Variants in DGKB observed in about 807,000 individuals in gnomAD.
DGKB encodes 90 kDa diacylglycerol kinase.
Under a neutral mutation model 114.3 loss-of-function variants are expected in DGKB, and 67 were observed. The observed-to-expected ratio is 0.59, with a 90% CI of 0.48 to 0.72. The LOEUF is 0.72. DGKB is among the 30% of genes least tolerant of loss of function. The pLI is 0.00. For missense variants in DGKB, 907 were observed against 975.2 expected (o/e 0.93, Z 0.93); for synonymous variants, 398 against 323.1 (o/e 1.23, Z -2.49).
chr7:14,877,932 T>C (rs1394119126), intron 1 of DGKB, among the ~76,000 whole-genome samples: 1 of 152,168 alleles, frequency 6.6e-6, no homozygotes, highest in Non-Finnish European at 1.5e-5. Context: ...TTTATATCTT[T>C]AGTGCCAATT....
intron 2 of DGKB, among the ~76,000 whole-genome samples, chr7:14,837,653 A>G (rs73052963): frequency 0.012 from 1,884 of 152,336 alleles, 10 homozygotes; most frequent in Non-Finnish European, 0.017. Context: ...CTAATAGAGT[A>G]TGGAGGAATG....
At position 14,158,435 on chromosome 7, in the gene DGKB, C is replaced by CTGTT. The variant is rs548851992; in HGVS notation, c.2305-9201_2305-9198dup. Among the ~76,000 whole-genome samples the CTGTT allele has an allele frequency of 3.1e-4, 47 of 152,198 alleles. No individual in the cohort carries two copies. In the Middle Eastern group the frequency reaches 0.01, roughly 33 times the overall value. ...TAACCATCAGAGAGCATAATTATTT[C>CTGTT]TGTTTGTTTGTTTGTTTAATCAAGG... On this transcript the variant is annotated intron_variant, in intron 25 of 25. Transcript: ENST00000402815.
chr7:14,424,789 G>A (rs1017423770), intron 21 of DGKB, among the ~76,000 whole-genome samples: 1 of 152,014 alleles, frequency 6.6e-6, no homozygotes, highest in Non-Finnish European at 1.5e-5. Context: ...TAATTGCCCA[G>A]ATCACACAGC....
rs770705134 is a variant in DGKB at position 14,149,242 on chromosome 7, GAAAA to G, written c.2305-8_2305-5del. On this transcript the variant is annotated splice_region_variant and splice_polypyrimidine_tract_variant and intron_variant, in intron 25 of 25. Coordinates refer to ENST00000402815, the MANE Select transcript of DGKB (RefSeq NM_001350709.2). ...GGTTCTTGTGTGTAATTTTTATCTA[GAAAA>G]AAAGAGAGAGAGAGAGAGAGAAAGA... 6.3e-7 allele frequency: 1 copy of G among 1,590,510 alleles called. No individual in the cohort carries two copies. Among genetic ancestry groups the G allele is most frequent in the African/African-American group, 1.4e-5 (1 of 73,550 alleles).
At chr7:14,915,032 A>G (rs547994266) in intron 1 of DGKB, among the ~76,000 whole-genome samples, 1 of 152,238 alleles carries the variant, frequency 6.6e-6, no homozygotes, top group African/African-American at 2.4e-5. Context: ...GAATTATGGG[A>G]CAATTACAAA....
chr7:14,926,096 A>G (rs951751819), intron 1 of DGKB, among the ~76,000 whole-genome samples: 2 of 152,112 alleles, frequency 1.3e-5, no homozygotes, highest in Non-Finnish European at 1.5e-5. Flanking sequence ...GGGAGTTTTT[A>G]TCATGAATAG....
chr7:14,498,697 T>C (rs183514568), intron 20 of DGKB, among the ~76,000 whole-genome samples: 309 of 151,844 alleles, frequency 2.0e-3, no homozygotes, highest in Non-Finnish European at 2.6e-3. Context: ...AGTAGTACAC[T>C]TTTTGTTAGG....
intron 4 of DGKB, among the ~76,000 whole-genome samples, chr7:14,740,038 C>T (rs917945435): frequency 4.6e-5 from 7 of 152,226 alleles, no homozygotes; most frequent in African/African-American, 1.7e-4. Flanking sequence ...GCCGCAGCTG[C>T]TGCCCAGGCC....
intron 23 of DGKB, among the ~76,000 whole-genome samples, chr7:14,195,182 T>C (rs1784847507): frequency 6.6e-6 from 1 of 152,166 alleles, no homozygotes; most frequent in Non-Finnish European, 1.5e-5. Context: ...ACTGAAGGCT[T>C]TCACTTGTTT....
chr7:14,463,531 C>T (rs923448253), intron 21 of DGKB, among the ~76,000 whole-genome samples: 2 of 152,164 alleles, frequency 1.3e-5, no homozygotes, highest in African/African-American at 4.8e-5. Context: ...AACCACTGCA[C>T]TCATCTTACA....
intron 25 of DGKB, among the ~76,000 whole-genome samples, chr7:14,157,671 A>G (rs73269860): frequency 0.041 from 6,253 of 152,224 alleles, 211 homozygotes; most frequent in East Asian, 0.13. Context: ...TGTGTTCTTC[A>G]TTCCAAAATA....
rs1001320887 is a variant in DGKB, at chr7:14,761,269, G to A, written c.71-3538C>T. Among the ~76,000 whole-genome samples the A allele has an allele frequency of 4.6e-5, 7 of 152,046 alleles. No homozygotes were observed. The East Asian group carries it at 9.7e-4, about 21-fold the overall frequency. On this transcript the variant is annotated intron_variant, in intron 2 of 25. Coordinates refer to ENST00000402815, the MANE Select transcript of DGKB (RefSeq NM_001350709.2). ...CAATCTTCTAAAGATAAGGATTTGC[G>A]CATGGAACACCAGAGAGTTCAGGAT...
chr7:14,745,339 C>T (rs1263992579), intron 4 of DGKB, among the ~76,000 whole-genome samples: 2 of 152,146 alleles, frequency 1.3e-5, no homozygotes, highest in African/African-American at 4.8e-5. Flanking sequence ...CAAAACAGTG[C>T]CCCCTAAGAG....
intron 1 of DGKB, among the ~76,000 whole-genome samples, chr7:14,958,180 G>C (rs1328033729): frequency 6.6e-6 from 1 of 151,944 alleles, no homozygotes; most frequent in East Asian, 1.9e-4. Flanking sequence ...TTACTGTATA[G>C]AGGAAACTCA....
intron 2 of DGKB, among the ~76,000 whole-genome samples, chr7:14,782,678 G>T (rs1014981947): frequency 6.6e-6 from 1 of 152,068 alleles, no homozygotes; most frequent in Admixed American, 6.6e-5. Context: ...AGGAGGGTTG[G>T]AGAATGTCCT....
intron 21 of DGKB, among the ~76,000 whole-genome samples, chr7:14,377,942 A>G (rs1360582390): frequency 6.6e-6 from 1 of 152,224 alleles, no homozygotes; most frequent in Non-Finnish European, 1.5e-5. Flanking sequence ...ATAATGTCCT[A>G]AAACTTCTGT....
At chr7:14,223,966 A>T (rs1242437258) in intron 23 of DGKB, among the ~76,000 whole-genome samples, 2 of 151,038 alleles carry the variant, frequency 1.3e-5, no homozygotes, top group Non-Finnish European at 3.0e-5. Context: ...TTTCCAGGAC[A>T]TTTTTTTCCA....
At chr7:14,189,659 T>C (rs1217046723) in intron 23 of DGKB, among the ~76,000 whole-genome samples, 1 of 151,898 alleles carries the variant, frequency 6.6e-6, no homozygotes, top group African/African-American at 2.4e-5. Context: ...ATATACTACC[T>C]AAAAAAGATT....
chr7:14,326,020 T>C (rs1002242248), intron 23 of DGKB, among the ~76,000 whole-genome samples: 10 of 151,904 alleles, frequency 6.6e-5, no homozygotes, highest in African/African-American at 2.4e-4. Context: ...TGTCTACTTA[T>C]ATAGGTTATG....
Sources: gnomAD v4.1 joint callset for allele counts (sites outside exome capture counted in the v4.1 genomes callset) on GRCh38, gnomAD v4.1.1 for gene constraint, MANE v1.5 for transcripts, NCBI Gene and HGNC (gene_info 2026-07-23, HGNC 2026-07-21) for gene names.